The following SETBP1 variants were observed in gnomAD, a reference collection of about 807,000 sequenced individuals.
The protein encoded by SETBP1 is SET-binding protein.
In SETBP1, 9 loss-of-function variants were observed where a neutral mutation model predicts 101.0. The ratio of observed to expected loss-of-function variants is 0.09; its 90% confidence interval spans 0.05 to 0.16. The LOEUF is 0.16. Ranked by LOEUF, SETBP1 falls within the 10% of genes least tolerant of loss-of-function variation. The probability of loss-of-function intolerance (pLI) is 1.00; values close to 1 mark genes in which losing one functional copy is unlikely to be tolerated. For synonymous variants in SETBP1, 818 were observed against 788.5 expected (o/e 1.04, Z -0.63); for missense variants, 1,858 against 2,033.8 (o/e 0.91, Z 1.66).
At chr18:45,028,989 C>T (rs983828603) in intron 4 of SETBP1, among the ~76,000 whole-genome samples, 2 of 152,140 alleles carry the variant, frequency 1.3e-5, no homozygotes, top group Non-Finnish European at 2.9e-5. Context: ...GTAGTTTCTT[C>T]TGCTGTGCAA....
In SETBP1 at chr18:44,759,134, G is replaced by A. The variant is rs181298759; in HGVS notation, c.486+57302G>A. On this transcript the variant is annotated intron_variant, in intron 2 of 5. Coordinates refer to ENST00000649279, the MANE Select transcript of SETBP1 (RefSeq NM_015559.3). ...TCAGTTTTTTTGTGATGTGGCAAGGGGAAAATATTTCAGTTATCAAAATGT... is the reference window on the plus strand; with the variant it reads ...TCAGTTTTTTTGTGATGTGGCAAGGAGAAAATATTTCAGTTATCAAAATGT... Among the ~76,000 whole-genome samples, 33 of 152,280 alleles carry A rather than the reference G, an allele frequency of 2.2e-4. 1 individual carries two copies. Among genetic ancestry groups the A allele is most frequent in the African/African-American group, 5.8e-4 (24 of 41,556 alleles).
intron 4 of SETBP1, among the ~76,000 whole-genome samples, chr18:45,035,588 C>T (rs1036343414): frequency 4.6e-5 from 7 of 152,172 alleles, no homozygotes; most frequent in Admixed American, 6.5e-5. Flanking sequence ...GACTTGACTC[C>T]GTTTATTCCC....
At chr18:44,731,489 G>A (rs557213992) in intron 2 of SETBP1, among the ~76,000 whole-genome samples, 7 of 152,130 alleles carry the variant, frequency 4.6e-5, no homozygotes, top group Non-Finnish European at 1.0e-4. Flanking sequence ...TTGTGATTAT[G>A]GCTTCATCTC....
At chr18:44,905,624 C>A (rs980449176) in intron 3 of SETBP1, among the ~76,000 whole-genome samples, 10 of 152,202 alleles carry the variant, frequency 6.6e-5, no homozygotes, top group Admixed American at 2.0e-4. Context: ...ATGCTGCAGC[C>A]ATGACAGAAA....
intron 2 of SETBP1, among the ~76,000 whole-genome samples, chr18:44,742,319 T>C (rs753514355): frequency 3.3e-5 from 5 of 152,178 alleles, no homozygotes; most frequent in Non-Finnish European, 5.9e-5. Flanking sequence ...GCCATTAGCT[T>C]TGCTCCTTGG....
At chr18:45,028,925 G>A (rs1033132765) in intron 4 of SETBP1, among the ~76,000 whole-genome samples, 3 of 152,174 alleles carry the variant, frequency 2.0e-5, no homozygotes, top group African/African-American at 7.2e-5. Flanking sequence ...TTTGTCAGAT[G>A]AGTAAGTTGC....
At chr18:44,923,200 CA>C (rs1238993554) in intron 3 of SETBP1, among the ~76,000 whole-genome samples, 1 of 151,916 alleles carries the variant, frequency 6.6e-6, no homozygotes, top group Non-Finnish European at 1.5e-5. Flanking sequence ...CACTGAGGGT[CA>C]AAAAAATATG....
intron 2 of SETBP1, among the ~76,000 whole-genome samples, chr18:44,750,513 C>T (rs1479203669): frequency 6.6e-6 from 1 of 152,160 alleles, no homozygotes; most frequent in Non-Finnish European, 1.5e-5. Flanking sequence ...AAACATCTGT[C>T]CGTAACAATT....
chr18:44,793,867 G>A (rs1412828064), intron 2 of SETBP1, among the ~76,000 whole-genome samples: 2 of 152,124 alleles, frequency 1.3e-5, no homozygotes, highest in African/African-American at 4.8e-5. Context: ...CCCTCCCTCT[G>A]TTGAGCTTCT....
intron 2 of SETBP1, among the ~76,000 whole-genome samples, chr18:44,736,759 A>T (rs2069977844): frequency 6.6e-6 from 1 of 152,232 alleles, no homozygotes; most frequent in Non-Finnish European, 1.5e-5. Flanking sequence ...CACTTAGAAT[A>T]CTTAATGCAT....
At chr18:44,964,728 A>T (rs1235579553) in intron 4 of SETBP1, among the ~76,000 whole-genome samples, 1 of 152,250 alleles carries the variant, frequency 6.6e-6, no homozygotes, top group East Asian at 1.9e-4. Flanking sequence ...GTAAGCACTC[A>T]CCTGGCTTCC....
At chr18:44,786,700 T>C (rs1251052382) in intron 2 of SETBP1, among the ~76,000 whole-genome samples, 1 of 152,116 alleles carries the variant, frequency 6.6e-6, no homozygotes, top group Non-Finnish European at 1.5e-5. Context: ...AAGAAACATT[T>C]TTGGGTATTA....
At chr18:45,037,145 T>C (rs138325730) in intron 4 of SETBP1, among the ~76,000 whole-genome samples, 1 of 152,148 alleles carries the variant, frequency 6.6e-6, no homozygotes, top group Non-Finnish European at 1.5e-5. Context: ...AGAACCAATA[T>C]GGTAAGGCCC....
intron 3 of SETBP1, among the ~76,000 whole-genome samples, chr18:44,902,947 T>G (rs1031788500): frequency 3.3e-5 from 5 of 152,118 alleles, no homozygotes; most frequent in African/African-American, 1.2e-4. Flanking sequence ...ATATAATATT[T>G]TTTTAAAAAA....
intron 5 of SETBP1, among the ~76,000 whole-genome samples, chr18:45,041,932 G>A (rs1378596083): frequency 6.6e-6 from 1 of 151,744 alleles, no homozygotes; most frequent in African/African-American, 2.4e-5. Context: ...ACTCCAGCCT[G>A]GGTGACAAAG....
chr18:44,731,129 C>A (rs547791791), intron 2 of SETBP1, among the ~76,000 whole-genome samples: 10 of 152,210 alleles, frequency 6.6e-5, no homozygotes, highest in African/African-American at 2.4e-4. Context: ...ACATGGCTGA[C>A]TTGTACTTTC....
At chr18:44,964,285 G>A (rs1384188643) in intron 4 of SETBP1, among the ~76,000 whole-genome samples, 1 of 152,118 alleles carries the variant, frequency 6.6e-6, no homozygotes, top group Non-Finnish European at 1.5e-5. Context: ...GGGCAAAGTG[G>A]CTCACACCTG....
At chr18:44,744,546 C>T (rs1458997567) in intron 2 of SETBP1, among the ~76,000 whole-genome samples, 2 of 152,248 alleles carry the variant, frequency 1.3e-5, no homozygotes, top group Middle Eastern at 3.2e-3. Context: ...GCAGTTCACA[C>T]GGGGCACTGC....
At chr18:45,001,594 G>A (rs778596674) in intron 4 of SETBP1, among the ~76,000 whole-genome samples, 2 of 152,140 alleles carry the variant, frequency 1.3e-5, no homozygotes, top group Non-Finnish European at 2.9e-5. Flanking sequence ...GCCCATCTTT[G>A]AGGAGGAGCA....
Sources: allele counts gnomAD v4.1 joint callset (sites outside exome capture counted in the v4.1 genomes callset), GRCh38; gene constraint gnomAD v4.1.1; transcripts MANE v1.5; gene names NCBI Gene and HGNC (gene_info 2026-07-23, HGNC 2026-07-21).